OCA2: variants seen among roughly 807,000 people sequenced by gnomAD.
OCA2 encodes the protein P protein.
OCA2 carries 77 observed loss-of-function variants against 100.2 expected under a neutral mutation model. The observed-to-expected ratio is 0.77, with a 90% CI of 0.64 to 0.93. The LOEUF is 0.93. Among genes scored for constraint, OCA2 ranks in the 40% least tolerant of loss-of-function variants. OCA2 has a pLI of 0.00. For synonymous variants in OCA2, 432 were observed against 439.2 expected, an observed-to-expected ratio of 0.98 and a Z score of 0.21; for missense variants, 1,062 against 1,089.1, an observed-to-expected ratio of 0.98 and a Z score of 0.35.
intron 23 of OCA2, among the ~76,000 whole-genome samples, chr15:27,837,231 G>T (rs535752173): frequency 6.6e-6 from 1 of 152,278 alleles, no homozygotes; most frequent in East Asian, 1.9e-4. Context: ...AGGAAGTGCC[G>T]CAAATAAGAT....
At chr15:27,917,066 G>A (rs1306802403) in intron 19 of OCA2, among the ~76,000 whole-genome samples, 1 of 152,160 alleles carries the variant, frequency 6.6e-6, no homozygotes, top group Non-Finnish European at 1.5e-5. Flanking sequence ...AGCTGGGTGT[G>A]TGAGATCTGT....
At chr15:27,823,012 T>C (rs955857688) in intron 23 of OCA2, among the ~76,000 whole-genome samples, 2 of 152,250 alleles carry the variant, frequency 1.3e-5, no homozygotes, top group South Asian at 2.1e-4. Flanking sequence ...CTACGGTCCA[T>C]ATAGAAATGA....
intron 23 of OCA2, among the ~76,000 whole-genome samples, chr15:27,786,201 T>C (rs1421963354): frequency 1.3e-5 from 2 of 152,216 alleles, no homozygotes; most frequent in African/African-American, 4.8e-5. Context: ...AGTATGTTTT[T>C]AAATAGGAAA....
chr15:27,800,593 T>A (rs1161691105), intron 23 of OCA2, among the ~76,000 whole-genome samples: 1 of 152,150 alleles, frequency 6.6e-6, no homozygotes, highest in East Asian at 1.9e-4. Flanking sequence ...ACACATACAA[T>A]GAACAAATTC....
At chr15:27,764,602 C>T (rs985979513) in intron 23 of OCA2, among the ~76,000 whole-genome samples, 3 of 152,182 alleles carry the variant, frequency 2.0e-5, no homozygotes, top group Non-Finnish European at 4.4e-5. Flanking sequence ...CATTTGCTTG[C>T]TGTCTACGGC....
In OCA2 at chr15:27,871,342, CG is replaced by C; in HGVS notation, c.2140-85del. The C allele has an allele frequency of 5.0e-6, 5 of 1,008,462 alleles. No homozygotes were observed. The South Asian group carries it at 6.6e-5, about 13-fold the overall frequency. 62.5% of individuals were successfully genotyped at this position (1,008,462 alleles called of 1,614,324 possible). On this transcript the variant is annotated intron_variant, in intron 20 of 23. Transcript: ENST00000354638. ...ACCAGCCGCGAGACTCAGAGGGGCC[CG>C]AGGGTGTTAGTCCTTCCTCTTACCC...
the OCA2 span, among the ~76,000 whole-genome samples, chr15:27,730,224 G>A: frequency 1.3e-5 from 2 of 152,144 alleles, no homozygotes; most frequent in African/African-American, 2.4e-5. Context: ...ATATGTCATT[G>A]CCAGTTAATT....
the OCA2 span, among the ~76,000 whole-genome samples, chr15:27,743,770 T>C: frequency 6.6e-6 from 1 of 152,186 alleles, no homozygotes; most frequent in Non-Finnish European, 1.5e-5. Context: ...ATGCATTCCA[T>C]CAGCTTGTGC....
the OCA2 span, among the ~76,000 whole-genome samples, chr15:27,741,937 G>GCAACTTATC: frequency 6.6e-6 from 1 of 152,328 alleles, no homozygotes; most frequent in Non-Finnish European, 1.5e-5. Context: ...TGAAACAGTA[G>GCAACTTATC]CAACTTATCC....
the OCA2 span, among the ~76,000 whole-genome samples, chr15:27,721,610 G>A: frequency 1.3e-5 from 2 of 152,106 alleles, no homozygotes; most frequent in Non-Finnish European, 2.9e-5. Flanking sequence ...AAACTGGATA[G>A]AAATTAAAGT....
At chr15:27,937,510 C>T (rs563810787) in intron 18 of OCA2, among the ~76,000 whole-genome samples, 1 of 152,314 alleles carries the variant, frequency 6.6e-6, no homozygotes, top group South Asian at 2.1e-4. Context: ...TACAAATTTA[C>T]AATCTTATCA....
At chr15:27,756,418 G>C (rs2030375859) in intron 23 of OCA2, among the ~76,000 whole-genome samples, 1 of 152,226 alleles carries the variant, frequency 6.6e-6, no homozygotes, top group African/African-American at 2.4e-5. Context: ...TTATAGAGTA[G>C]ACTTGGGCAT....
intron 23 of OCA2, among the ~76,000 whole-genome samples, chr15:27,814,851 C>A (rs2034216988): frequency 6.6e-6 from 1 of 151,866 alleles, no homozygotes; most frequent in African/African-American, 2.4e-5. Context: ...CCGCTACACT[C>A]CAGCCTGGGC....
rs1029234528 is a variant in OCA2, at chr15:27,755,074, G to A, written c.*314C>T. 1 of 359,342 alleles carries A rather than the reference G, an allele frequency of 2.8e-6. No individual in the cohort carries two copies. The highest frequency in any genetic ancestry group is 2.1e-5 in the African/African-American group (1 of 47,490). 22.3% of individuals were successfully genotyped at this position (359,342 alleles called of 1,614,324 possible). On this transcript the variant is annotated 3_prime_UTR_variant, in exon 24 of 24. Coordinates refer to ENST00000354638, the MANE Select transcript of OCA2 (RefSeq NM_000275.3). ...ACAGTACAGTCAATTTTAGGTGGAT[G>A]TGTGTCTTTTCCTATGTATAGCAGG...
intron 18 of OCA2, among the ~76,000 whole-genome samples, chr15:27,943,870 T>C (rs181738688): frequency 6.7e-4 from 102 of 152,194 alleles, no homozygotes; most frequent in African/African-American, 2.4e-3. Context: ...ACTGAACCAA[T>C]ACACAACTTA....
intron 18 of OCA2, among the ~76,000 whole-genome samples, chr15:27,935,243 G>A (rs1041766278): frequency 2.0e-5 from 3 of 152,258 alleles, no homozygotes; most frequent in Non-Finnish European, 4.4e-5. Context: ...TACCATTTAC[G>A]TGACCTGTCT....
At chr15:28,035,547 T>C (rs1479442845) in intron 2 of OCA2, among the ~76,000 whole-genome samples, 1 of 152,184 alleles carries the variant, frequency 6.6e-6, no homozygotes, top group Non-Finnish European at 1.5e-5. Flanking sequence ...AAAATGGTGG[T>C]CCACAAAGCT....
rs138288828 is a variant in OCA2 at position 27,763,060 on chromosome 15, A to T, written c.2433-7588T>A. On this transcript the variant is annotated intron_variant, in intron 23 of 23. Coordinates refer to ENST00000354638, the MANE Select transcript of OCA2 (RefSeq NM_000275.3). ...CTTTTTGACAAATACTTCTAGAGCA[A>T]TTGGGTATCTAAATGTCAGAAAATA... is the stretch of plus-strand genomic sequence containing the variant. Among the ~76,000 whole-genome samples the T allele has an allele frequency of 1.6e-3, 243 of 152,318 alleles. 6 individuals carry two copies. In the East Asian group the frequency reaches 0.044, roughly 28 times the overall value.
intron 23 of OCA2, among the ~76,000 whole-genome samples, chr15:27,834,635 C>T (rs138926903): frequency 1.3e-5 from 2 of 152,258 alleles, no homozygotes; most frequent in Admixed American, 6.5e-5. Flanking sequence ...ACAATAGCTC[C>T]GGGTAATTGG....
Sources: gnomAD v4.1 joint callset for allele counts (sites outside exome capture counted in the v4.1 genomes callset) on GRCh38, gnomAD v4.1.1 for gene constraint, MANE v1.5 for transcripts, NCBI Gene and HGNC (gene_info 2026-07-23, HGNC 2026-07-21) for gene names.